The following HEMK2 variants were observed in gnomAD, a reference collection of about 807,000 sequenced individuals.
HEMK2 encodes HemK methyltransferase 2, ETF1 glutamine and histone H4 lysine.
the HEMK2 span, among the ~76,000 whole-genome samples, chr21:28,762,916 G>A: frequency 3.3e-5 from 5 of 152,086 alleles, no homozygotes; most frequent in African/African-American, 9.7e-5. Flanking sequence ...AGATTCAGTA[G>A]GCTTATTAAA....
the HEMK2 span, among the ~76,000 whole-genome samples, chr21:28,667,243 A>G: frequency 6.6e-6 from 1 of 152,138 alleles, no homozygotes; most frequent in Non-Finnish European, 1.5e-5. Context: ...ATATATAAAC[A>G]TGTGTTGTTT....
At chr21:28,880,980 T>C in the HEMK2 span, among the ~76,000 whole-genome samples, 2 of 148,716 alleles carry the variant, frequency 1.3e-5, no homozygotes, top group Admixed American at 1.3e-4. Flanking sequence ...CTCGTCATTG[T>C]AAGAAAAGTG....
chr21:28,833,403 A>ACAG, the HEMK2 span, among the ~76,000 whole-genome samples: 1 of 152,244 alleles, frequency 6.6e-6, no homozygotes, highest in Non-Finnish European at 1.5e-5. Flanking sequence ...TAATAATTTT[A>ACAG]CAGCAGAGAC....
chr21:28,870,576 T>A, the HEMK2 span, among the ~76,000 whole-genome samples: 3 of 152,130 alleles, frequency 2.0e-5, no homozygotes, highest in African/African-American at 7.2e-5. Context: ...AATTTTTTTA[T>A]TTTCAGTAAA....
chr21:28,665,945 C>T, the HEMK2 span, among the ~76,000 whole-genome samples: 2 of 152,226 alleles, frequency 1.3e-5, no homozygotes, highest in East Asian at 1.9e-4. Context: ...GCCTTGCCAA[C>T]TGCTTATGTA....
chr21:28,771,873 T>C, the HEMK2 span, among the ~76,000 whole-genome samples: 1 of 151,726 alleles, frequency 6.6e-6, no homozygotes, highest in Admixed American at 6.6e-5. Context: ...TCCTGCTTAC[T>C]ACCACTGCTT....
chr21:28,846,441 G>A, the HEMK2 span, among the ~76,000 whole-genome samples: 18 of 151,980 alleles, frequency 1.2e-4, no homozygotes, highest in Non-Finnish European at 4.4e-5. Context: ...CCTTTTCTCT[G>A]TAACCTTGCC....
the HEMK2 span, among the ~76,000 whole-genome samples, chr21:28,837,514 C>T: frequency 1.3e-5 from 2 of 152,124 alleles, no homozygotes; most frequent in Non-Finnish European, 2.9e-5. Context: ...AATGATACCA[C>T]TTATCAAAAC....
chr21:28,729,446 C>T, the HEMK2 span, among the ~76,000 whole-genome samples: 1,204 of 152,222 alleles, frequency 7.9e-3, 6 homozygotes, highest in Non-Finnish European at 0.013. Context: ...AGAGCGTGGG[C>T]ATTTTTGTTG....
At chr21:28,592,686 T>C in the HEMK2 span, among the ~76,000 whole-genome samples, 1 of 152,182 alleles carries the variant, frequency 6.6e-6, no homozygotes, top group African/African-American at 2.4e-5. Context: ...TCTTCTCACA[T>C]AAAAATATAA....
the HEMK2 span, among the ~76,000 whole-genome samples, chr21:28,823,418 T>C: frequency 2.0e-5 from 3 of 152,220 alleles, no homozygotes. Context: ...AATCATTTTA[T>C]AAAAACATAG....
the HEMK2 span, among the ~76,000 whole-genome samples, chr21:28,755,817 G>C: frequency 2.0e-5 from 3 of 152,172 alleles, no homozygotes; most frequent in South Asian, 2.1e-4. Flanking sequence ...TGAGAGAACA[G>C]GACTGGTCAA....
chr21:28,822,470 T>C, the HEMK2 span, among the ~76,000 whole-genome samples: 113 of 152,068 alleles, frequency 7.4e-4, no homozygotes, highest in African/African-American at 2.5e-3. Context: ...AGGAGACCAA[T>C]TGCAACAAAA....
the HEMK2 span, among the ~76,000 whole-genome samples, chr21:28,576,289 T>C: frequency 6.6e-6 from 1 of 152,174 alleles, no homozygotes; most frequent in Non-Finnish European, 1.5e-5. Context: ...TGGGGTTAAG[T>C]GCTATCTCAT....
the HEMK2 span, among the ~76,000 whole-genome samples, chr21:28,680,024 A>G: frequency 6.6e-6 from 1 of 152,212 alleles, no homozygotes; most frequent in African/African-American, 2.4e-5. Context: ...TTCAAAAGCT[A>G]GCAGAAGGCA....
At chr21:28,639,269 C>A in the HEMK2 span, among the ~76,000 whole-genome samples, 8 of 152,254 alleles carry the variant, frequency 5.3e-5, no homozygotes, top group Admixed American at 5.2e-4. Flanking sequence ...TATTTGTGTG[C>A]CTTATGTGTT....
At chr21:28,618,723 C>T in the HEMK2 span, among the ~76,000 whole-genome samples, 2 of 152,174 alleles carry the variant, frequency 1.3e-5, no homozygotes, top group Admixed American at 1.3e-4. Context: ...CACATGAACA[C>T]ATATCCTAAG....
the HEMK2 span, among the ~76,000 whole-genome samples, chr21:28,744,423 T>G: frequency 6.6e-6 from 1 of 152,160 alleles, no homozygotes; most frequent in African/African-American, 2.4e-5. Flanking sequence ...AAGTCATTCA[T>G]GGTTAATTGC....
At chr21:28,877,838 G>A in the HEMK2 span, among the ~76,000 whole-genome samples, 1 of 152,032 alleles carries the variant, frequency 6.6e-6, no homozygotes, top group South Asian at 2.1e-4. Flanking sequence ...AACTCCTAAC[G>A]AACTAAAGAG....
Sources: allele counts gnomAD v4.1 joint callset (sites outside exome capture counted in the v4.1 genomes callset), GRCh38; gene constraint gnomAD v4.1.1; transcripts MANE v1.5; gene names NCBI Gene and HGNC (gene_info 2026-07-23, HGNC 2026-07-21).